The following RAD51B variants were observed in gnomAD, a reference collection of about 807,000 sequenced individuals.
RAD51B encodes the protein DNA repair protein RAD51 homolog 2.
In RAD51B, 38 loss-of-function variants were observed where a neutral mutation model predicts 42.2. That is an observed-to-expected ratio of 0.90 (90% CI 0.70 to 1.18). The LOEUF is 1.18. RAD51B is among the 50% of genes most tolerant of loss of function. The pLI, the probability that RAD51B is intolerant of heterozygous loss-of-function variation, is 0.00. For synonymous variants in RAD51B, 154 were observed against 145.2 expected, an observed-to-expected ratio of 1.06 and a Z score of -0.43; for missense variants, 373 against 400.7, an observed-to-expected ratio of 0.93 and a Z score of 0.59.
At chr14:67,995,963 C>T (rs570616947) in intron 7 of RAD51B, among the ~76,000 whole-genome samples, 2 of 152,130 alleles carry the variant, frequency 1.3e-5, no homozygotes, top group East Asian at 1.9e-4. Flanking sequence ...ATTACTGGTA[C>T]AATTTATTCA....
chr14:67,892,974 C>A (rs2043263571), intron 7 of RAD51B, among the ~76,000 whole-genome samples: 1 of 152,144 alleles, frequency 6.6e-6, no homozygotes, highest in Non-Finnish European at 1.5e-5. Flanking sequence ...TCATTTTGAT[C>A]TGTATCCTTT....
intron 10 of RAD51B, among the ~76,000 whole-genome samples, chr14:68,605,384 A>G (rs962817325): frequency 1.3e-5 from 2 of 152,264 alleles, no homozygotes; most frequent in Non-Finnish European, 2.9e-5. Context: ...CAATGGTGAG[A>G]GTACACTCGA....
intron 8 of RAD51B, among the ~76,000 whole-genome samples, chr14:68,305,542 C>G (rs2081842696): frequency 2.0e-5 from 3 of 152,200 alleles, no homozygotes; most frequent in Admixed American, 2.0e-4. Context: ...AGACATGAAA[C>G]AGTTGAAGTC....
At chr14:68,344,539 C>G (rs902903569) in intron 8 of RAD51B, among the ~76,000 whole-genome samples, 1 of 151,932 alleles carries the variant, frequency 6.6e-6, no homozygotes, top group Non-Finnish European at 1.5e-5. Flanking sequence ...CCCAGCTACT[C>G]GGGAAGCTGA....
chr14:68,471,950 C>T (rs1431267149), intron 10 of RAD51B: 1 of 152,532 alleles, frequency 6.6e-6, no homozygotes, highest in Admixed American at 6.5e-5. Flanking sequence ...TTGAGCCTCT[C>T]TGTGCAATGA....
intron 7 of RAD51B, among the ~76,000 whole-genome samples, chr14:68,160,272 A>T (rs930802684): frequency 1.3e-5 from 2 of 152,188 alleles, no homozygotes; most frequent in African/African-American, 2.4e-5. Context: ...CTTTCCATTT[A>T]TTTATGCCAG....
intron 8 of RAD51B, among the ~76,000 whole-genome samples, chr14:68,410,317 A>G (rs566717796): frequency 6.6e-6 from 1 of 152,268 alleles, no homozygotes; most frequent in East Asian, 1.9e-4. Context: ...AAAAAAAAAG[A>G]CCAATTCCTA....
intron 7 of RAD51B, among the ~76,000 whole-genome samples, chr14:67,924,584 C>T (rs7145771): frequency 6.6e-6 from 1 of 152,004 alleles, no homozygotes; most frequent in East Asian, 1.9e-4. Context: ...CAGGCAAAGA[C>T]TTTGTGCAGA....
chr14:68,125,940 A>G (rs1302090285), intron 7 of RAD51B, among the ~76,000 whole-genome samples: 1 of 152,134 alleles, frequency 6.6e-6, no homozygotes, highest in Admixed American at 6.5e-5. Context: ...ACAGAGTCTA[A>G]AGGAGTTATC....
At chr14:68,359,575 C>T (rs1438277369) in intron 8 of RAD51B, among the ~76,000 whole-genome samples, 2 of 152,200 alleles carry the variant, frequency 1.3e-5, no homozygotes, top group Non-Finnish European at 2.9e-5. Flanking sequence ...CAGACCAGAT[C>T]AGCAGCCATT....
intron 8 of RAD51B, among the ~76,000 whole-genome samples, chr14:68,410,639 A>G (rs369697552): frequency 6.6e-6 from 1 of 152,138 alleles, no homozygotes; most frequent in Non-Finnish European, 1.5e-5. Context: ...TGTGCTGGAC[A>G]TGATAGTGGG....
intron 7 of RAD51B, among the ~76,000 whole-genome samples, chr14:67,971,055 CTAAG>C (rs942523372): frequency 2.0e-5 from 3 of 152,042 alleles, no homozygotes; most frequent in African/African-American, 7.2e-5. Context: ...ATATATTTCA[CTAAG>C]TATTTATAAA....
chr14:67,997,438 A>G (rs2075403759), intron 7 of RAD51B, among the ~76,000 whole-genome samples: 1 of 152,166 alleles, frequency 6.6e-6, no homozygotes, highest in South Asian at 2.1e-4. Flanking sequence ...GTGATGCATT[A>G]TTGCCTTAGT....
At chr14:68,525,845 C>G (rs1356950421) in intron 10 of RAD51B, among the ~76,000 whole-genome samples, 1 of 152,162 alleles carries the variant, frequency 6.6e-6, no homozygotes, top group Non-Finnish European at 1.5e-5. Flanking sequence ...CATGACATGC[C>G]AAGTGCCGGG....
At chr14:68,623,407 G>A (rs1326626843) in intron 10 of RAD51B, among the ~76,000 whole-genome samples, 2 of 152,200 alleles carry the variant, frequency 1.3e-5, no homozygotes, top group Non-Finnish European at 2.9e-5. Context: ...TTTCCAAGAA[G>A]AGAAATGAGA....
At chr14:68,519,521 G>A (rs1806025641) in intron 10 of RAD51B, among the ~76,000 whole-genome samples, 1 of 152,174 alleles carries the variant, frequency 6.6e-6, no homozygotes, top group African/African-American at 2.4e-5. Context: ...GTTTTCTCTC[G>A]AGATAGAAAC....
intron 7 of RAD51B, among the ~76,000 whole-genome samples, chr14:67,919,959 C>CT (rs545258849): frequency 0.012 from 1,792 of 151,168 alleles, 19 homozygotes; most frequent in Non-Finnish European, 0.02. Flanking sequence ...GAAAAGAAAG[C>CT]TTTTTTTTTC....
At chr14:68,201,370 G>T (rs2079482383) in intron 7 of RAD51B, among the ~76,000 whole-genome samples, 1 of 152,176 alleles carries the variant, frequency 6.6e-6, no homozygotes, top group African/African-American at 2.4e-5. Flanking sequence ...TCTGGAAAGA[G>T]AACTCATTAA....
intron 8 of RAD51B, among the ~76,000 whole-genome samples, chr14:68,381,471 C>G (rs550989798): frequency 6.6e-6 from 1 of 151,990 alleles, no homozygotes; most frequent in Non-Finnish European, 1.5e-5. Flanking sequence ...GTCAGGAGAT[C>G]GAGACCATCC....
Sources: allele counts gnomAD v4.1 joint callset (sites outside exome capture counted in the v4.1 genomes callset), GRCh38; gene constraint gnomAD v4.1.1; transcripts MANE v1.5; gene names NCBI Gene and HGNC (gene_info 2026-07-23, HGNC 2026-07-21).